The following RUNX1 variants were observed in gnomAD, a reference collection of about 807,000 sequenced individuals.
RUNX1 encodes the protein runt-related transcription factor 1.
RUNX1 carries 19 observed loss-of-function variants against 42.8 expected under a neutral mutation model. That is an observed-to-expected ratio of 0.44 (90% CI 0.31 to 0.65). The LOEUF is 0.65. Among genes scored for constraint, RUNX1 ranks in the 30% least tolerant of loss-of-function variants. The pLI is 0.07. For synonymous variants in RUNX1, 271 were observed against 289.4 expected, an observed-to-expected ratio of 0.94 and a Z score of 0.64; for missense variants, 528 against 672.0, an observed-to-expected ratio of 0.79 and a Z score of 2.37.
At chr21:34,991,310 A>C (rs1027408560) in intron 2 of RUNX1, among the ~76,000 whole-genome samples, 1 of 104,678 alleles carries the variant, frequency 9.6e-6, no homozygotes. Context: ...CCCTTGTTAA[A>C]GAGAATATTC....
chr21:34,887,197 G>T, intron 3 of RUNX1, 101 bp from the exon 4 acceptor site: 1 of 1,325,410 alleles, frequency 7.5e-7, no homozygotes, highest in Non-Finnish European at 9.9e-7. Flanking sequence ...AGCAGCTCCC[G>T]GGAGACCAAC....
At chr21:35,007,548 C>G (rs957514777) in intron 2 of RUNX1, among the ~76,000 whole-genome samples, 3 of 152,316 alleles carry the variant, frequency 2.0e-5, no homozygotes, top group Middle Eastern at 3.4e-3. Flanking sequence ...ACTTCCCCTT[C>G]CCTGGCTCCA....
intron 6 of RUNX1, among the ~76,000 whole-genome samples, chr21:34,840,183 C>T (rs2057212163): frequency 6.6e-6 from 1 of 152,186 alleles, no homozygotes; most frequent in African/African-American, 2.4e-5. Context: ...TATAGAAAGA[C>T]TTTGGGGAAT....
intron 7 of RUNX1, chr21:34,833,944 AAC>A: frequency 3.2e-6 from 1 of 316,938 alleles, no homozygotes. Flanking sequence ...ATAATAAAAA[AAC>A]ACTAGATACA....
At chr21:34,797,285 A>G (rs1031307575) in intron 8 of RUNX1, among the ~76,000 whole-genome samples, 1 of 152,224 alleles carries the variant, frequency 6.6e-6, no homozygotes, top group Non-Finnish European at 1.5e-5. Flanking sequence ...ATGCCATAAA[A>G]TGTTCTCTCT....
At chr21:34,831,173 G>C (rs1356652207) in intron 7 of RUNX1, among the ~76,000 whole-genome samples, 1 of 152,084 alleles carries the variant, frequency 6.6e-6, no homozygotes, top group Admixed American at 6.5e-5. Flanking sequence ...GTCCTGACTG[G>C]GAGAAACGTG....
chr21:34,975,356 T>C (rs558869354), intron 2 of RUNX1, among the ~76,000 whole-genome samples: 16 of 152,382 alleles, frequency 1.0e-4, no homozygotes, highest in Admixed American at 1.3e-4. Context: ...GTTGTCTGTA[T>C]TGAACATGCG....
chr21:35,027,091 C>A (rs2146961971), intron 2 of RUNX1, among the ~76,000 whole-genome samples: 1 of 152,274 alleles, frequency 6.6e-6, no homozygotes, highest in Non-Finnish European at 1.5e-5. Flanking sequence ...AGTGAAAACT[C>A]TGCAGGTGCA....
At chr21:34,805,779 T>G in intron 7 of RUNX1, among the ~76,000 whole-genome samples, 1 of 152,352 alleles carries the variant, frequency 6.6e-6, no homozygotes, top group Middle Eastern at 3.4e-3. Context: ...AAATTAAGTT[T>G]TATTTTTCTT....
At chr21:34,881,907 T>G (rs899974867) in intron 4 of RUNX1, among the ~76,000 whole-genome samples, 8 of 152,332 alleles carry the variant, frequency 5.3e-5, no homozygotes, top group Non-Finnish European at 1.2e-4. Context: ...GTCATACAAC[T>G]TCAAATCGAA....
intron 4 of RUNX1, among the ~76,000 whole-genome samples, chr21:34,883,930 G>T (rs117927468): frequency 6.6e-6 from 1 of 152,186 alleles, no homozygotes; most frequent in Non-Finnish European, 1.5e-5. Flanking sequence ...TGATCTTGCC[G>T]ACAAAAATAT....
chr21:34,836,009 T>G (rs1475675244), intron 6 of RUNX1, among the ~76,000 whole-genome samples: 1 of 152,266 alleles, frequency 6.6e-6, no homozygotes, highest in Non-Finnish European at 1.5e-5. Context: ...CTTGGCACAG[T>G]TGACATTGTC....
chr21:34,796,468 G>A (rs1291055523), intron 8 of RUNX1, among the ~76,000 whole-genome samples: 2 of 152,206 alleles, frequency 1.3e-5, no homozygotes, highest in Non-Finnish European at 2.9e-5. Context: ...CTGGCCTGGT[G>A]TCCCCTGATT....
rs77398881 is a variant in RUNX1, at chr21:35,010,878, C to T, written c.58+37964G>A. ...ATCTGAAACATCAGAATCATCTATT[C>T]TGGAAAAATCGGATTCATCAAATGC... On this transcript the variant is annotated intron_variant, in intron 2 of 8. Transcript: ENST00000675419. Among the ~76,000 whole-genome samples the T allele has an allele frequency of 5.4e-3, 821 of 152,284 alleles. 14 individuals are homozygous for T. Among genetic ancestry groups the T allele is most frequent in the African/African-American group, 0.019 (774 of 41,558 alleles).
chr21:34,916,930 A>G (rs1394207900), intron 2 of RUNX1, among the ~76,000 whole-genome samples: 1 of 152,224 alleles, frequency 6.6e-6, no homozygotes, highest in South Asian at 2.1e-4. Context: ...TATACATAAA[A>G]TAGCAGATTT....
chr21:34,832,808 C>T (rs998471326), intron 7 of RUNX1, among the ~76,000 whole-genome samples: 2 of 152,112 alleles, frequency 1.3e-5, no homozygotes, highest in Non-Finnish European at 2.9e-5. Context: ...TATTATGTAA[C>T]AGGAAACCAG....
intron 7 of RUNX1, among the ~76,000 whole-genome samples, chr21:34,813,309 A>G (rs556993147): frequency 1.3e-5 from 2 of 152,316 alleles, no homozygotes; most frequent in Admixed American, 6.5e-5. Context: ...GCTCAGGGAA[A>G]GCACACACTG....
At chr21:34,913,289 G>A (rs1296346139) in intron 2 of RUNX1, among the ~76,000 whole-genome samples, 1 of 152,090 alleles carries the variant, frequency 6.6e-6, no homozygotes, top group Non-Finnish European at 1.5e-5. Context: ...GGAGAAGGAG[G>A]GAGCAGTGGC....
chr21:35,008,112 C>T (rs2059099091), intron 2 of RUNX1, among the ~76,000 whole-genome samples: 1 of 152,206 alleles, frequency 6.6e-6, no homozygotes, highest in Non-Finnish European at 1.5e-5. Context: ...TTCACTCCCT[C>T]ATCTGCTTTG....
Sources: gnomAD v4.1 joint callset for allele counts (sites outside exome capture counted in the v4.1 genomes callset) on GRCh38, gnomAD v4.1.1 for gene constraint, MANE v1.5 for transcripts, NCBI Gene and HGNC (gene_info 2026-07-23, HGNC 2026-07-21) for gene names.